Variants in ZFP1 observed in about 807,000 individuals in gnomAD.
ZFP1 encodes ZFP1 zinc finger protein.
In ZFP1, 32 loss-of-function variants were observed where a neutral mutation model predicts 38.5. That is an observed-to-expected ratio of 0.83 (90% CI 0.63 to 1.12). ZFP1 has a LOEUF of 1.12. Ranked by LOEUF, ZFP1 falls within the 50% of genes most tolerant of loss-of-function variation. The pLI is 0.00. For synonymous variants in ZFP1, 245 were observed against 168.8 expected, an observed-to-expected ratio of 1.45 and a Z score of -3.50; for missense variants, 616 against 480.8, an observed-to-expected ratio of 1.28 and a Z score of -2.63.
At chr16:75,125,809 G>A in the ZFP1 span, among the ~76,000 whole-genome samples, 12 of 152,104 alleles carry the variant, frequency 7.9e-5, no homozygotes, top group South Asian at 6.2e-4. Flanking sequence ...TTGGCAGGCC[G>A]AGGAGGGCAG....
At chr16:75,165,920 A>AT (rs1178046871) in intron 2 of ZFP1, among the ~76,000 whole-genome samples, 1 of 152,082 alleles carries the variant, frequency 6.6e-6, no homozygotes, top group East Asian at 1.9e-4. Flanking sequence ...TACCTTTTGC[A>AT]TTTCAGTTTA....
the ZFP1 span, among the ~76,000 whole-genome samples, chr16:75,137,461 CTT>C: frequency 2.5e-3 from 221 of 89,400 alleles, 2 homozygotes; most frequent in African/African-American, 9.2e-3. Context: ...AAAAAAAATT[CTT>C]TTTTTTTTTT....
At chr16:75,133,752 A>G in the ZFP1 span, among the ~76,000 whole-genome samples, 1 of 152,218 alleles carries the variant, frequency 6.6e-6, no homozygotes. Flanking sequence ...ATTTTAGAAT[A>G]AGTTTTAGAT....
At chr16:75,133,037 G>T in the ZFP1 span, among the ~76,000 whole-genome samples, 1 of 151,774 alleles carries the variant, frequency 6.6e-6, no homozygotes, top group East Asian at 1.9e-4. Flanking sequence ...GAGTGCAGTG[G>T]TGCGATCTTG....
chr16:75,121,617 C>G, the ZFP1 span, among the ~76,000 whole-genome samples: 1 of 152,130 alleles, frequency 6.6e-6, no homozygotes. Context: ...TATCAATAAT[C>G]TGAGTGTATC....
the ZFP1 span, among the ~76,000 whole-genome samples, chr16:75,135,715 G>T: frequency 3.3e-5 from 5 of 152,180 alleles, no homozygotes; most frequent in African/African-American, 9.6e-5. Context: ...TACTATAATG[G>T]TACATACATG....
the ZFP1 span, among the ~76,000 whole-genome samples, chr16:75,133,904 C>G: frequency 2.0e-5 from 3 of 151,230 alleles, no homozygotes; most frequent in South Asian, 6.2e-4. Context: ...CAAAAATTAG[C>G]CAGGCGTGCT....
intron 3 of ZFP1, among the ~76,000 whole-genome samples, chr16:75,167,884 G>T (rs1190409106): frequency 6.6e-6 from 1 of 152,046 alleles, no homozygotes; most frequent in African/African-American, 2.4e-5. Flanking sequence ...ATCACCTGAG[G>T]TCAGTTCAAT....
chr16:75,145,523 C>T (rs1323462841), upstream of ZFP1, among the ~76,000 whole-genome samples: 2 of 152,166 alleles, frequency 1.3e-5, no homozygotes, highest in African/African-American at 4.8e-5. Flanking sequence ...GCCCACCCTG[C>T]TCTCTATCCT....
intron 2 of ZFP1, chr16:75,157,076 T>C (rs1245458265): frequency 6.6e-6 from 1 of 152,194 alleles, no homozygotes; most frequent in East Asian, 1.9e-4. Flanking sequence ...CTCCCACCGC[T>C]GTCTCCTTCC....
At chr16:75,123,850 A>G in the ZFP1 span, among the ~76,000 whole-genome samples, 1,781 of 151,844 alleles carry the variant, frequency 0.012, 16 homozygotes, top group African/African-American at 0.016. Flanking sequence ...CCAGCACTTT[A>G]GGAGGCCAAG....
chr16:75,124,403 G>A, the ZFP1 span, among the ~76,000 whole-genome samples: 1 of 150,556 alleles, frequency 6.6e-6, no homozygotes, highest in Non-Finnish European at 1.5e-5. Context: ...CAGGTGATCT[G>A]CCCTCCTCAG....
chr16:75,166,920 C>CT, intron 3 of ZFP1, 24 bp downstream of exon 3: 1 of 1,609,396 alleles, frequency 6.2e-7, no homozygotes, highest in Non-Finnish European at 8.5e-7. Context: ...TCAGGTACAG[C>CT]TCACCATGTG....
At chr16:75,136,724 G>T in the ZFP1 span, among the ~76,000 whole-genome samples, 2 of 152,094 alleles carry the variant, frequency 1.3e-5, no homozygotes, top group African/African-American at 4.8e-5. Context: ...ACAAAAATTA[G>T]CCAGCCGTGA....
In ZFP1 at chr16:75,170,503, A is replaced by G; in HGVS notation, c.*169A>G. 1.0e-6 allele frequency: 1 copy of G among 983,548 alleles called. No homozygotes were observed. The highest frequency in any genetic ancestry group is 1.4e-6 in the Non-Finnish European group (1 of 722,744). The allele number at this position is 983,548 out of a possible 1,614,324, so 60.9% of individuals were successfully genotyped here. A position where few individuals can be genotyped will look rare whatever the true frequency, so the allele number is the denominator to read the frequency against. ...ATGAGAACATTATACTGGAAGTTAC[A>G]TGTGATACCCAGCTAAAGAATACAT... On this transcript the variant is annotated 3_prime_UTR_variant, in exon 4 of 4. Coordinates refer to ENST00000570010, the MANE Select transcript of ZFP1 (RefSeq NM_153688.4).
intron 2 of ZFP1, among the ~76,000 whole-genome samples, chr16:75,153,533 T>G (rs1323227348): frequency 6.6e-6 from 1 of 152,204 alleles, no homozygotes; most frequent in East Asian, 1.9e-4. Flanking sequence ...GCGTTCTGTT[T>G]TAATAGATTT....
chr16:75,132,817 T>G, the ZFP1 span, among the ~76,000 whole-genome samples: 1 of 150,730 alleles, frequency 6.6e-6, no homozygotes, highest in Non-Finnish European at 1.5e-5. Flanking sequence ...CCACCACACA[T>G]GGCTAGTATT....
chr16:75,163,907 C>T (rs781431710), intron 2 of ZFP1, among the ~76,000 whole-genome samples: 15 of 152,218 alleles, frequency 9.9e-5, no homozygotes, highest in Non-Finnish European at 1.6e-4. Context: ...ACAGCACCGG[C>T]ACTGTTTATG....
chr16:75,159,000 G>T (rs368216032), intron 2 of ZFP1, among the ~76,000 whole-genome samples: 2 of 149,120 alleles, frequency 1.3e-5, no homozygotes, highest in African/African-American at 5.0e-5. Context: ...AGGCTCAAGT[G>T]ATCCTCCCAC....
Sources: gnomAD v4.1 joint callset for allele counts (sites outside exome capture counted in the v4.1 genomes callset) on GRCh38, gnomAD v4.1.1 for gene constraint, MANE v1.5 for transcripts, NCBI Gene and HGNC (gene_info 2026-07-23, HGNC 2026-07-21) for gene names.